CDH13: variants seen among roughly 807,000 people sequenced by gnomAD.
The protein encoded by CDH13 is cadherin 13, also known as cadherin-13.
A neutral mutation model predicts 63.8 loss-of-function variants in CDH13; 24 were observed. The observed-to-expected ratio is 0.38, with a 90% CI of 0.27 to 0.53. CDH13 has a LOEUF of 0.53. Among genes scored for constraint, CDH13 ranks in the 20% least tolerant of loss-of-function variants. The pLI is 0.85. For synonymous variants in CDH13, 503 were observed against 355.3 expected, an observed-to-expected ratio of 1.42 and a Z score of -4.67; for missense variants, 1,049 against 903.1, an observed-to-expected ratio of 1.16 and a Z score of -2.07.
At chr16:82,634,116 C>T (rs898037210) in intron 1 of CDH13, among the ~76,000 whole-genome samples, 4 of 152,316 alleles carry the variant, frequency 2.6e-5, no homozygotes, top group Admixed American at 6.5e-5. Context: ...GAACGCAGCC[C>T]GGGCTGGGGC....
chr16:82,991,832 A>T (rs1329486929), intron 2 of CDH13, among the ~76,000 whole-genome samples: 1 of 147,394 alleles, frequency 6.8e-6, no homozygotes, highest in Non-Finnish European at 1.5e-5. Flanking sequence ...AGGGAAGGAG[A>T]AATTTAAAAC....
At chr16:82,994,758 G>C (rs112159877) in intron 2 of CDH13, among the ~76,000 whole-genome samples, 2 of 152,326 alleles carry the variant, frequency 1.3e-5, no homozygotes, top group African/African-American at 2.4e-5. Flanking sequence ...AGCTGGCTCA[G>C]ATGATCTGGT....
At chr16:83,569,056 C>G (rs1462704489) in intron 7 of CDH13, among the ~76,000 whole-genome samples, 1 of 152,150 alleles carries the variant, frequency 6.6e-6, no homozygotes, top group Admixed American at 6.5e-5. Flanking sequence ...AAACCACTGT[C>G]TGGCCTCCTC....
chr16:83,608,969 GCTTT>G (rs1282168526), intron 8 of CDH13, among the ~76,000 whole-genome samples: 1 of 152,020 alleles, frequency 6.6e-6, no homozygotes, highest in Non-Finnish European at 1.5e-5. Flanking sequence ...AAAGGTATAG[GCTTT>G]CTTCTAGCAG....
intron 6 of CDH13, among the ~76,000 whole-genome samples, chr16:83,420,494 G>A (rs895640652): frequency 2.0e-5 from 3 of 152,152 alleles, no homozygotes; most frequent in Admixed American, 6.6e-5. Flanking sequence ...GCTCTCTCTC[G>A]TAATAGTTCA....
intron 2 of CDH13, among the ~76,000 whole-genome samples, chr16:82,878,503 G>C (rs200130018): frequency 1.9e-5 from 2 of 104,310 alleles, no homozygotes; most frequent in African/African-American, 6.8e-5. Context: ...CTTACAAGAA[G>C]GAAAGAATTC....
At chr16:83,248,778 C>A (rs139701310) in intron 5 of CDH13, among the ~76,000 whole-genome samples, 1 of 152,144 alleles carries the variant, frequency 6.6e-6, no homozygotes, top group Non-Finnish European at 1.5e-5. Flanking sequence ...TAACCACACC[C>A]GTAGCTTCAC....
At chr16:83,779,740 C>T (rs1307703238) in intron 11 of CDH13, among the ~76,000 whole-genome samples, 2 of 151,980 alleles carry the variant, frequency 1.3e-5, no homozygotes, top group Non-Finnish European at 2.9e-5. Context: ...CACCTGTGGT[C>T]CCAGCTACTT....
intron 6 of CDH13, chr16:83,396,874 T>A (rs908202107): frequency 4.6e-5 from 7 of 152,198 alleles, no homozygotes; most frequent in African/African-American, 1.7e-4. Flanking sequence ...GGTTTCACAT[T>A]TTTAATTCTC....
At chr16:83,402,885 G>A (rs2091989104) in intron 6 of CDH13, among the ~76,000 whole-genome samples, 1 of 151,996 alleles carries the variant, frequency 6.6e-6, no homozygotes, top group South Asian at 2.1e-4. Flanking sequence ...CCTTCTCCTT[G>A]CTTATGGAAT....
chr16:82,936,651 G>T (rs11864595), intron 2 of CDH13, among the ~76,000 whole-genome samples: 3 of 152,002 alleles, frequency 2.0e-5, no homozygotes, highest in African/African-American at 7.3e-5. Flanking sequence ...TCCCCCGAGT[G>T]GTGATGCTAC....
intron 7 of CDH13, among the ~76,000 whole-genome samples, chr16:83,519,415 A>G (rs1284561268): frequency 6.6e-6 from 1 of 152,248 alleles, no homozygotes; most frequent in East Asian, 1.9e-4. Context: ...GAAAGAACTA[A>G]TACTTCAATG....
At chr16:82,727,697 A>C (rs1346104964) in intron 1 of CDH13, 2 of 151,978 alleles carry the variant, frequency 1.3e-5, no homozygotes, top group Middle Eastern at 3.2e-3. Context: ...TTGCTAGGAC[A>C]AAAAAAAGAA....
At chr16:82,975,091 C>A (rs930570248) in intron 2 of CDH13, among the ~76,000 whole-genome samples, 1 of 152,174 alleles carries the variant, frequency 6.6e-6, no homozygotes, top group African/African-American at 2.4e-5. Context: ...TTCTTTCAGT[C>A]CGATGGGTAT....
At chr16:83,563,301 A>C (rs900828029) in intron 7 of CDH13, among the ~76,000 whole-genome samples, 1 of 152,198 alleles carries the variant, frequency 6.6e-6, no homozygotes, top group African/African-American at 2.4e-5. Flanking sequence ...TTCTTTTTGG[A>C]GATTTTAAGC....
chr16:83,301,384 C>G (rs543279325), intron 5 of CDH13, among the ~76,000 whole-genome samples: 37 of 152,236 alleles, frequency 2.4e-4, no homozygotes, highest in African/African-American at 7.9e-4. Flanking sequence ...CACTCTACCT[C>G]CCTCTCTGTG....
chr16:82,747,094 A>T (rs1005952718), intron 1 of CDH13, among the ~76,000 whole-genome samples: 1 of 152,234 alleles, frequency 6.6e-6, no homozygotes, highest in Non-Finnish European at 1.5e-5. Flanking sequence ...CTTTCTCAAT[A>T]CAATGAGTTT....
intron 1 of CDH13, among the ~76,000 whole-genome samples, chr16:82,857,264 T>C (rs1416243039): frequency 1.3e-5 from 2 of 152,190 alleles, no homozygotes; most frequent in African/African-American, 4.8e-5. Context: ...ACACATTTCA[T>C]AGGCCTGCTG....
intron 11 of CDH13, among the ~76,000 whole-genome samples, chr16:83,768,607 G>A (rs996522768): frequency 6.6e-6 from 1 of 152,198 alleles, no homozygotes; most frequent in South Asian, 2.1e-4. Flanking sequence ...GAATGGCTAC[G>A]ACATCGAGCA....
Sources: allele counts gnomAD v4.1 joint callset (sites outside exome capture counted in the v4.1 genomes callset), GRCh38; gene constraint gnomAD v4.1.1; transcripts MANE v1.5; gene names NCBI Gene and HGNC (gene_info 2026-07-23, HGNC 2026-07-21).